The following ZFAND4 variants were observed in gnomAD, a reference collection of about 807,000 sequenced individuals.
ZFAND4 encodes zinc finger AN1-type containing 4, also known as AN1-type zinc finger protein 4.
Under a neutral mutation model 64.4 loss-of-function variants are expected in ZFAND4, and 43 were observed. The ratio of observed to expected loss-of-function variants is 0.67; its 90% CI spans 0.52 to 0.86. The LOEUF is 0.86. Ranked by LOEUF, ZFAND4 falls within the 40% of genes least tolerant of loss-of-function variation. ZFAND4 has a pLI of 0.00. For missense variants in ZFAND4, 929 were observed against 859.8 expected, an observed-to-expected ratio of 1.08 and a Z score of -1.01; for synonymous variants, 296 against 305.7, an observed-to-expected ratio of 0.97 and a Z score of 0.33.
At chr10:45,618,291 C>T (rs2045156265) in intron 8 of ZFAND4, 31 bp from the exon 9 acceptor site, 1 of 1,607,064 alleles carries the variant, frequency 6.2e-7, no homozygotes, top group Admixed American at 1.7e-5. Flanking sequence ...TTGATTAACA[C>T]AGGCATAAAA....
chr10:45,648,178 G>T, intron 5 of ZFAND4, 116 bp downstream of exon 5: 1 of 1,034,380 alleles, frequency 9.7e-7, no homozygotes, highest in Non-Finnish European at 1.3e-6. Context: ...TCAATTATAC[G>T]AAGGACAATT....
chr10:45,624,013 A>G (rs2045618307), intron 8 of ZFAND4, among the ~76,000 whole-genome samples: 2 of 152,196 alleles, frequency 1.3e-5, no homozygotes, highest in African/African-American at 4.8e-5. Context: ...AAAACATTTA[A>G]AAAGATGGCT....
chr10:45,666,139 T>C (rs1213006165), intron 1 of ZFAND4, among the ~76,000 whole-genome samples: 1 of 152,228 alleles, frequency 6.6e-6, no homozygotes, highest in Non-Finnish European at 1.5e-5. Context: ...ACCAAACTGT[T>C]TTCTAAATGG....
At chr10:45,634,963 C>T (rs183674457) in intron 6 of ZFAND4, among the ~76,000 whole-genome samples, 80 of 151,652 alleles carry the variant, frequency 5.3e-4, no homozygotes, top group African/African-American at 1.9e-3. Context: ...AGTGAAAGAT[C>T]TCTATAATGA....
In ZFAND4 at chr10:45,616,551, G is replaced by A. The variant is rs1313301519; in HGVS notation, c.2069C>T (p.Ala690Val). The change falls in exon 10 of 10, where the codon GCA becomes GTA. Residue 690 changes from alanine (A) to valine (V), a missense_variant. By Grantham distance (64) the Ala-to-Val change is moderately conservative. Transcript: ENST00000344646. Reference sequence around the variant, plus strand: ...ATGAGTTTCTGCATAACGATGAGATGCACAGAAGTTGTTTCCACATCTAAA... The same window carrying A: ...ATGAGTTTCTGCATAACGATGAGATACACAGAAGTTGTTTCCACATCTAAA... ...YECRCGNNFC[A>V]SHRYAETHGC... 6.2e-7 allele frequency: 1 copy of A among 1,613,882 alleles called. No individual in the cohort carries two copies. The highest frequency in any genetic ancestry group is 2.2e-5 in the East Asian group (1 of 44,872).
At chr10:45,627,244 A>G (rs2045900643) in intron 6 of ZFAND4, 139 bp from the exon 7 acceptor site, 1 of 631,992 alleles carries the variant, frequency 1.6e-6, no homozygotes, top group African/African-American at 1.9e-5. Flanking sequence ...TAAGAAGAAT[A>G]AAATCTTAAG....
At chr10:45,666,287 A>G (rs1227401613) in intron 1 of ZFAND4, among the ~76,000 whole-genome samples, 2 of 152,124 alleles carry the variant, frequency 1.3e-5, no homozygotes, top group Non-Finnish European at 2.9e-5. Context: ...GTTGACTTCC[A>G]TTTCTTTAAA....
Position 45,626,912 on chromosome 10 carries a change from G to A in ZFAND4, c.911C>T (p.Ser304Phe). 6.2e-7 allele frequency: 1 copy of A among 1,614,240 alleles called. No homozygotes were observed. Among genetic ancestry groups the A allele is most frequent in the Non-Finnish European group, 8.5e-7 (1 of 1,180,040 alleles). Residue 304 changes from serine (S) to phenylalanine (F), a missense_variant, in exon 7 of 10, where the codon TCT becomes TTT. Physicochemically the swap from Ser to Phe is radical, Grantham distance 155. Transcript: ENST00000344646. ...NGISSLATQLSAERYISSITG... is the reference protein window; with the variant it reads ...NGISSLATQLFAERYISSITG... Reference sequence around the variant, plus strand: ...GATAGAAGATATGTATCTCTCAGCAGAGAGTTGAGTTGCCAAACTTGAAAT... The same window carrying A: ...GATAGAAGATATGTATCTCTCAGCAAAGAGTTGAGTTGCCAAACTTGAAAT...
chr10:45,645,116 G>C (rs1307892252), intron 5 of ZFAND4, among the ~76,000 whole-genome samples: 1 of 151,838 alleles, frequency 6.6e-6, no homozygotes, highest in African/African-American at 2.4e-5. Context: ...GAAGTAGCTG[G>C]GACTACAGGT....
At chr10:45,619,932 T>A (rs1016346996) in intron 8 of ZFAND4, among the ~76,000 whole-genome samples, 2 of 152,170 alleles carry the variant, frequency 1.3e-5, no homozygotes, top group Admixed American at 1.3e-4. Context: ...AGGGAGTAAT[T>A]CCATTATTTA....
intron 1 of ZFAND4, among the ~76,000 whole-genome samples, chr10:45,665,968 G>A (rs2133868739): frequency 6.6e-6 from 1 of 152,280 alleles, no homozygotes; most frequent in South Asian, 2.1e-4. Context: ...CCATCCATCA[G>A]TTGATGAGCA....
chr10:45,626,502 G>A lies in ZFAND4; in HGVS notation c.1321C>T (p.His441Tyr). Reference sequence around the variant, plus strand: ...AGCACTCCTGCAACATGCTTGAGATGCTGCTCTGGAGCTTTCAACCCTTTG... The same window carrying A: ...AGCACTCCTGCAACATGCTTGAGATACTGCTCTGGAGCTTTCAACCCTTTG... ...ADKGLKAPEQ[H>Y]LKHVAGVLNG... Residue 441 changes from histidine (H) to tyrosine (Y), a missense_variant, in exon 7 of 10, where the codon CAT becomes TAT. Transcript: ENST00000344646. 2 of 1,613,898 alleles carry A rather than the reference G, an allele frequency of 1.2e-6. No homozygotes were observed. Among genetic ancestry groups the A allele is most frequent in the Non-Finnish European group, 1.7e-6 (2 of 1,180,030 alleles).
rs567241062 is a variant in ZFAND4 at position 45,661,319 on chromosome 10, C to T, written c.184+2223G>A. 2.6e-5 allele frequency among the ~76,000 whole-genome samples: 4 copies of T among 152,180 alleles called. No individual in the cohort carries two copies. The East Asian group carries it at 7.7e-4, about 29-fold the overall frequency. On this transcript the variant is annotated intron_variant, in intron 2 of 9. Transcript: ENST00000344646. ...CGGCACTCCAGTCCCTTTTTCAAGG[C>T]CCATTGTAAATCCCTGAGCAGGCCC...
chr10:45,634,340 T>C (rs2046410829), intron 6 of ZFAND4, among the ~76,000 whole-genome samples: 1 of 151,886 alleles, frequency 6.6e-6, no homozygotes, highest in African/African-American at 2.4e-5. Context: ...CTGGCCAACA[T>C]GGTGAAACCC....
intron 2 of ZFAND4, among the ~76,000 whole-genome samples, chr10:45,660,546 C>T (rs2048402809): frequency 6.6e-6 from 1 of 151,994 alleles, no homozygotes; most frequent in Admixed American, 6.5e-5. Context: ...ACATACCAAA[C>T]CACAGATCCA....
chr10:45,629,052 G>A (rs538729582), intron 6 of ZFAND4, among the ~76,000 whole-genome samples: 2 of 151,956 alleles, frequency 1.3e-5, no homozygotes, highest in South Asian at 2.1e-4. Context: ...ACAGGCTACC[G>A]AGAAATTAAA....
At chr10:45,641,869 G>C (rs1476107057) in intron 5 of ZFAND4, among the ~76,000 whole-genome samples, 1 of 152,184 alleles carries the variant, frequency 6.6e-6, no homozygotes, top group African/African-American at 2.4e-5. Context: ...AGATCAGAAA[G>C]CTATAGACAG....
intron 8 of ZFAND4, among the ~76,000 whole-genome samples, chr10:45,622,954 A>C (rs2133540343): frequency 6.6e-6 from 1 of 152,336 alleles, no homozygotes; most frequent in Middle Eastern, 3.4e-3. Flanking sequence ...AAGAAGATCT[A>C]CAAATGGCCA....
At chr10:45,667,450 T>TTTTC in intron 1 of ZFAND4, among the ~76,000 whole-genome samples, 9 of 139,670 alleles carry the variant, frequency 6.4e-5, no homozygotes, top group African/African-American at 1.0e-4. Context: ...CTATATGCTC[T>TTTTC]TTTCTTTCTT....
Sources: allele counts gnomAD v4.1 joint callset (sites outside exome capture counted in the v4.1 genomes callset), GRCh38; gene constraint gnomAD v4.1.1; transcripts MANE v1.5; gene names NCBI Gene and HGNC (gene_info 2026-07-23, HGNC 2026-07-21).